SLCO1B1: variants seen among roughly 807,000 people sequenced by gnomAD.
SLCO1B1 encodes solute carrier organic anion transporter family member 1B1, also known as OATP-2.
A neutral mutation model predicts 70.1 loss-of-function variants in SLCO1B1; 81 were observed. That is an observed-to-expected ratio of 1.16 (90% CI 0.97 to 1.39). The LOEUF (loss-of-function observed/expected upper bound fraction) is 1.39. SLCO1B1 is among the 40% of genes most tolerant of loss of function. SLCO1B1 has a pLI of 0.00. For synonymous variants in SLCO1B1, 283 were observed against 271.5 expected (o/e 1.04, Z -0.42); for missense variants, 895 against 799.6 (o/e 1.12, Z -1.44).
At chr12:21,163,346 G>A (rs928476863) in intron 2 of SLCO1B1, among the ~76,000 whole-genome samples, 8 of 152,234 alleles carry the variant, frequency 5.3e-5, no homozygotes, top group South Asian at 2.1e-4. Context: ...GGACTACAAC[G>A]TGTGTACCAT....
intron 7 of SLCO1B1, among the ~76,000 whole-genome samples, chr12:21,196,406 C>G (rs1032516312): frequency 6.6e-6 from 1 of 152,036 alleles, no homozygotes; most frequent in Non-Finnish European, 1.5e-5. Flanking sequence ...TAGAGTCTAA[C>G]TCTTCAGGGT....
intron 8 of SLCO1B1, among the ~76,000 whole-genome samples, chr12:21,199,391 C>G (rs1485725053): frequency 6.6e-6 from 1 of 152,076 alleles, no homozygotes; most frequent in Admixed American, 6.6e-5. Flanking sequence ...ATAATTTCTA[C>G]CATGAACAGA....
intron 7 of SLCO1B1, among the ~76,000 whole-genome samples, chr12:21,183,242 C>T (rs1167040868): frequency 2.0e-5 from 3 of 152,222 alleles, no homozygotes; most frequent in African/African-American, 4.8e-5. Context: ...GTTACCCAGG[C>T]TAGAGCGCAG....
intron 11 of SLCO1B1, among the ~76,000 whole-genome samples, chr12:21,210,164 G>GT (rs1941264520): frequency 6.9e-6 from 1 of 145,300 alleles, no homozygotes. Context: ...TAATGCCTAG[G>GT]TTTTCTTCTA....
intron 10 of SLCO1B1, 41 bp from the exon 11 acceptor site, chr12:21,205,827 T>TAGA (rs779957173): frequency 1.4e-6 from 2 of 1,449,454 alleles, no homozygotes; most frequent in South Asian, 2.4e-5. Context: ...CTTTTTCTTC[T>TAGA]CTCTCTCTCT....
At chr12:21,162,977 T>TATC (rs1940640179) in intron 2 of SLCO1B1, among the ~76,000 whole-genome samples, 1 of 152,164 alleles carries the variant, frequency 6.6e-6, no homozygotes, top group Non-Finnish European at 1.5e-5. Context: ...CTTTCTCTTT[T>TATC]ATCTATGTTA....
chr12:21,225,426 T>TA (rs4149106), intron 14 of SLCO1B1, among the ~76,000 whole-genome samples: 9 of 151,430 alleles, frequency 5.9e-5, no homozygotes, highest in South Asian at 4.2e-4. Context: ...TTTACCTCTT[T>TA]AAAAAAAAAC....
At position 21,213,826 on chromosome 12, in the gene SLCO1B1, T is replaced by A. The variant is rs201650470; in HGVS notation, c.1498-3293T>A. 1.2e-4 allele frequency among the ~76,000 whole-genome samples: 17 copies of A among 147,500 alleles called. 1 individual carries two copies. Among genetic ancestry groups the A allele is most frequent in the African/African-American group, 4.2e-4 (17 of 40,104 alleles). On this transcript the variant is annotated intron_variant, in intron 11 of 14. Coordinates refer to ENST00000256958, the MANE Select transcript of SLCO1B1 (RefSeq NM_006446.5). ...TCATTTCATTCATTTCATCTTCCATTGCTGATACCCTTTCTTCCAGTTGAT... is the reference window on the plus strand; with the variant it reads ...TCATTTCATTCATTTCATCTTCCATAGCTGATACCCTTTCTTCCAGTTGAT...
At chr12:21,230,030 G>A (rs555797716) in intron 14 of SLCO1B1, among the ~76,000 whole-genome samples, 21 of 152,092 alleles carry the variant, frequency 1.4e-4, no homozygotes, top group African/African-American at 5.1e-4. Context: ...AAGTTGAGGA[G>A]GTTCTCCCCT....
At chr12:21,176,968 G>A in intron 5 of SLCO1B1, 71 bp downstream of exon 5, 1 of 1,211,242 alleles carries the variant, frequency 8.3e-7, no homozygotes, top group Non-Finnish European at 1.2e-6. Context: ...AAAAATTGTT[G>A]TGATATTCAT....
chr12:21,135,472 T>C (rs1202368817), intron 1 of SLCO1B1, among the ~76,000 whole-genome samples: 1 of 152,180 alleles, frequency 6.6e-6, no homozygotes, highest in Non-Finnish European at 1.5e-5. Context: ...GAATTCTAAG[T>C]CTCTTTGTAG....
intron 10 of SLCO1B1, among the ~76,000 whole-genome samples, chr12:21,203,804 G>C (rs1160961395): frequency 6.6e-6 from 1 of 151,856 alleles, no homozygotes; most frequent in Middle Eastern, 3.2e-3. Flanking sequence ...CTTTATTATT[G>C]AAGAGTCAGA....
At chr12:21,189,473 A>T (rs1297080154) in intron 7 of SLCO1B1, among the ~76,000 whole-genome samples, 1 of 149,952 alleles carries the variant, frequency 6.7e-6, no homozygotes, top group Non-Finnish European at 1.5e-5. Context: ...TTTTTGAGTC[A>T]CTCTCACTCT....
chr12:21,193,308 C>A (rs894688652), intron 7 of SLCO1B1, among the ~76,000 whole-genome samples: 1 of 152,062 alleles, frequency 6.6e-6, no homozygotes, highest in Non-Finnish European at 1.5e-5. Flanking sequence ...TGAAGTCAGC[C>A]TACTATGGAG....
intron 2 of SLCO1B1, among the ~76,000 whole-genome samples, chr12:21,148,916 T>C (rs1304746043): frequency 1.3e-5 from 2 of 152,144 alleles, no homozygotes; most frequent in Non-Finnish European, 2.9e-5. Context: ...TGGTTTGTAG[T>C]TCTCGTTGAA....
intron 6 of SLCO1B1, 42 bp from the exon 7 acceptor site, chr12:21,178,880 G>A (rs1343245958): frequency 1.4e-6 from 2 of 1,433,586 alleles, no homozygotes; most frequent in East Asian, 2.3e-5. Context: ...TAAGAACCAT[G>A]CATTCTTGGC....
At chr12:21,139,601 T>C (rs1163044484) in intron 1 of SLCO1B1, among the ~76,000 whole-genome samples, 3 of 151,976 alleles carry the variant, frequency 2.0e-5, no homozygotes. Context: ...AAATATAGAG[T>C]CGAGTCTCAT....
In SLCO1B1 at chr12:21,178,578, T is replaced by A. The variant is rs549667377; in HGVS notation, c.484T>A (p.Cys162Ser). The A allele has an allele frequency of 3.1e-6, 5 of 1,602,046 alleles. No homozygotes were observed. The South Asian group carries it at 5.5e-5, about 18-fold the overall frequency. ...RASPEIVGKGCLKESGSYMWI... is the reference protein window; with the variant it reads ...RASPEIVGKGSLKESGSYMWI... ...GAAACACTCTCTTATCTACATAGGT[T>A]GTTTAAAGGAATCTGGGTCATACAT... Residue 162 changes from cysteine (C) to serine (S), a missense_variant and splice_region_variant, in exon 6 of 15, where the codon TGT (cysteine) becomes AGT (serine). Cys to Ser is a moderately radical substitution (Grantham distance 112, BLOSUM62 -1). Transcript: ENST00000256958.
At chr12:21,221,719 A>T (rs1941425537) in intron 12 of SLCO1B1, among the ~76,000 whole-genome samples, 2 of 152,182 alleles carry the variant, frequency 1.3e-5, no homozygotes, top group South Asian at 4.1e-4. Context: ...ATTCCATTTT[A>T]TACCAGTCAG....
Sources: gnomAD v4.1 joint callset for allele counts (sites outside exome capture counted in the v4.1 genomes callset) on GRCh38, gnomAD v4.1.1 for gene constraint, MANE v1.5 for transcripts, NCBI Gene and HGNC (gene_info 2026-07-23, HGNC 2026-07-21) for gene names.